CAMK4: variants seen among roughly 807,000 people sequenced by gnomAD.
CAMK4 encodes the protein calcium/calmodulin dependent protein kinase IV.
In CAMK4, 22 loss-of-function variants were observed where a neutral mutation model predicts 44.9. The observed-to-expected ratio is 0.49, with a 90% CI of 0.35 to 0.70. The LOEUF (loss-of-function observed/expected upper bound fraction) is 0.70, where lower values mean the gene tolerates loss of function less well. CAMK4 is among the 30% of genes least tolerant of loss of function. The pLI, the probability that CAMK4 is intolerant of heterozygous loss-of-function variation, is 0.01. For synonymous variants in CAMK4, 218 were observed against 215.4 expected (o/e 1.01, Z -0.11); for missense variants, 498 against 586.8 (o/e 0.85, Z 1.56).
intron 5 of CAMK4, among the ~76,000 whole-genome samples, chr5:111,401,340 T>G (rs1752218598): frequency 2.0e-5 from 3 of 152,152 alleles, no homozygotes; most frequent in Non-Finnish European, 2.9e-5. Context: ...GATTTCACTA[T>G]GTAGGCCAGG....
chr5:111,351,392 ATTTTC>A (rs1459851559), intron 2 of CAMK4, among the ~76,000 whole-genome samples: 3 of 149,960 alleles, frequency 2.0e-5, no homozygotes, highest in South Asian at 2.1e-4. Flanking sequence ...GCAACTTGGA[ATTTTC>A]TTTTTCTTTT....
intron 1 of CAMK4, among the ~76,000 whole-genome samples, chr5:111,230,131 C>A (rs1025046896): frequency 6.6e-6 from 1 of 152,146 alleles, no homozygotes; most frequent in Non-Finnish European, 1.5e-5. Context: ...AATACTGTAA[C>A]CCTTTTCTCT....
At chr5:111,443,497 T>A (rs2112966208) in intron 5 of CAMK4, among the ~76,000 whole-genome samples, 1 of 151,712 alleles carries the variant, frequency 6.6e-6, no homozygotes, top group Admixed American at 6.6e-5. Flanking sequence ...TTTTAAAGCT[T>A]GTTCCTTTGG....
intron 9 of CAMK4, among the ~76,000 whole-genome samples, chr5:111,480,129 C>G (rs1181099632): frequency 6.6e-6 from 1 of 152,058 alleles, no homozygotes; most frequent in Non-Finnish European, 1.5e-5. Context: ...TCACTTTTCA[C>G]TCTAGTGCAC....
intron 7 of CAMK4, among the ~76,000 whole-genome samples, chr5:111,460,420 C>T (rs896833605): frequency 6.6e-6 from 1 of 151,782 alleles, no homozygotes; most frequent in Admixed American, 6.6e-5. Flanking sequence ...CACAAGCGCA[C>T]ACTGCCACAC....
chr5:111,236,048 C>T (rs550151755), intron 1 of CAMK4, among the ~76,000 whole-genome samples: 25 of 152,314 alleles, frequency 1.6e-4, no homozygotes, highest in Non-Finnish European at 3.1e-4. Context: ...GCACCTCACT[C>T]AGCTTCATTT....
chr5:111,364,024 A>G (rs546221163), intron 2 of CAMK4, among the ~76,000 whole-genome samples: 10 of 152,238 alleles, frequency 6.6e-5, no homozygotes, highest in African/African-American at 2.2e-4. Context: ...GTAGGAGAGA[A>G]ATCAGACCAG....
intron 5 of CAMK4, among the ~76,000 whole-genome samples, chr5:111,419,418 C>G (rs1049279744): frequency 1.3e-5 from 2 of 151,454 alleles, no homozygotes; most frequent in African/African-American, 4.9e-5. Flanking sequence ...ATGGTAGTTT[C>G]TTTTGCTGTG....
chr5:111,295,741 C>G (rs17133034), intron 1 of CAMK4, among the ~76,000 whole-genome samples: 6,154 of 152,242 alleles, frequency 0.04, 408 homozygotes, highest in African/African-American at 0.14. Flanking sequence ...TGGGCTCTTC[C>G]TTCTTATCCC....
At chr5:111,417,995 G>A (rs1001993930) in intron 5 of CAMK4, among the ~76,000 whole-genome samples, 1 of 151,798 alleles carries the variant, frequency 6.6e-6, no homozygotes, top group Non-Finnish European at 1.5e-5. Context: ...CTGATATTTT[G>A]GAGGTTTTTT....
chr5:111,469,158 AAAAAAAAAAAAAAAATATAT>A (rs1223047339), intron 7 of CAMK4, among the ~76,000 whole-genome samples: 6 of 83,248 alleles, frequency 7.2e-5, no homozygotes, highest in African/African-American at 3.2e-4. Flanking sequence ...AAAAAAAAAA[AAAAAAAAAAAAAAAATATAT>A]ATATATATAT....
At chr5:111,243,788 A>G (rs1415951722) in intron 1 of CAMK4, among the ~76,000 whole-genome samples, 3 of 152,194 alleles carry the variant, frequency 2.0e-5, no homozygotes, top group East Asian at 1.9e-4. Flanking sequence ...GGGAATGTCA[A>G]GCCTCGTAAT....
chr5:111,260,664 C>G (rs1442623289), intron 1 of CAMK4, among the ~76,000 whole-genome samples: 1 of 152,172 alleles, frequency 6.6e-6, no homozygotes, highest in Non-Finnish European at 1.5e-5. Flanking sequence ...CACTTCCAGT[C>G]TCTCAAGGAG....
At chr5:111,250,553 C>G (rs1749441354) in intron 1 of CAMK4, among the ~76,000 whole-genome samples, 1 of 152,150 alleles carries the variant, frequency 6.6e-6, no homozygotes, top group African/African-American at 2.4e-5. Flanking sequence ...ACTAAAGGTA[C>G]AACTCCACTT....
intron 5 of CAMK4, among the ~76,000 whole-genome samples, chr5:111,420,502 A>G (rs187512089): frequency 1.2e-4 from 18 of 152,288 alleles, no homozygotes; most frequent in African/African-American, 4.3e-4. Context: ...GAGAGAGGGC[A>G]TCCCTGGGAG....
chr5:111,368,879 C>G (rs1005069987), intron 2 of CAMK4, among the ~76,000 whole-genome samples: 1 of 151,848 alleles, frequency 6.6e-6, no homozygotes, highest in Non-Finnish European at 1.5e-5. Context: ...CCCCAGCATT[C>G]AGAGAAGCAG....
chr5:111,378,882 G>A (rs889218551), intron 4 of CAMK4, among the ~76,000 whole-genome samples: 1 of 144,960 alleles, frequency 6.9e-6, no homozygotes, highest in Non-Finnish European at 1.5e-5. Context: ...AATCCACTAT[G>A]AAGATACTCT....
chr5:111,274,910 G>A (rs779737033), intron 1 of CAMK4, among the ~76,000 whole-genome samples: 1 of 151,952 alleles, frequency 6.6e-6, no homozygotes, highest in African/African-American at 2.4e-5. Context: ...ATAAGCCTAT[G>A]TAATGAAAAA....
At chr5:111,479,291 C>A (rs1327150988) in intron 9 of CAMK4, among the ~76,000 whole-genome samples, 1 of 152,168 alleles carries the variant, frequency 6.6e-6, no homozygotes, top group East Asian at 1.9e-4. Context: ...TAAAAATGTT[C>A]CACTGTGTTA....
Sources: gnomAD v4.1 joint callset for allele counts (sites outside exome capture counted in the v4.1 genomes callset) on GRCh38, gnomAD v4.1.1 for gene constraint, MANE v1.5 for transcripts, NCBI Gene and HGNC (gene_info 2026-07-23, HGNC 2026-07-21) for gene names.